Variants in ZNF521 observed in about 807,000 individuals in gnomAD.
The protein encoded by ZNF521 is LYST-interacting protein 3.
A neutral mutation model predicts 105.5 loss-of-function variants in ZNF521; 14 were observed. The observed-to-expected ratio is 0.13, with a 90% CI of 0.09 to 0.21. ZNF521 has a LOEUF of 0.21. Among genes scored for constraint, ZNF521 ranks in the 10% least tolerant of loss-of-function variants. The pLI, the probability that ZNF521 is intolerant of heterozygous loss-of-function variation, is 1.00. For synonymous variants in ZNF521, 635 were observed against 606.0 expected (o/e 1.05, Z -0.70); for missense variants, 1,233 against 1,629.7 (o/e 0.76, Z 4.19).
chr18:25,335,661 T>C (rs1484159255), intron 2 of ZNF521, among the ~76,000 whole-genome samples: 5 of 152,240 alleles, frequency 3.3e-5, no homozygotes, highest in Non-Finnish European at 5.9e-5. Flanking sequence ...TTCTCTCACT[T>C]CATTTAGCAT....
At chr18:25,117,867 A>G (rs1162787293) in intron 5 of ZNF521, among the ~76,000 whole-genome samples, 1 of 152,126 alleles carries the variant, frequency 6.6e-6, no homozygotes, top group African/African-American at 2.4e-5. Context: ...AGTGAAAGAT[A>G]CAACTCTACA....
chr18:25,350,264 G>A (rs990874849), intron 2 of ZNF521, among the ~76,000 whole-genome samples: 5 of 151,974 alleles, frequency 3.3e-5, no homozygotes, highest in Non-Finnish European at 7.4e-5. Flanking sequence ...GGGGCGAGGG[G>A]CGGTCAACTT....
At chr18:25,118,756 G>C (rs2034377663) in intron 5 of ZNF521, among the ~76,000 whole-genome samples, 1 of 152,012 alleles carries the variant, frequency 6.6e-6, no homozygotes, top group African/African-American at 2.4e-5. Context: ...AAATAGCAAA[G>C]ACATGGGAGG....
intron 5 of ZNF521, among the ~76,000 whole-genome samples, chr18:25,166,919 A>G (rs946836047): frequency 6.6e-6 from 1 of 152,220 alleles, no homozygotes; most frequent in African/African-American, 2.4e-5. Flanking sequence ...AATATTATTG[A>G]GCTAATATGC....
chr18:25,284,592 A>G (rs1346932030), intron 3 of ZNF521, among the ~76,000 whole-genome samples: 1 of 152,214 alleles, frequency 6.6e-6, no homozygotes, highest in African/African-American at 2.4e-5. Context: ...AGTCATAGGC[A>G]TAAAGAAGTC....
chr18:25,285,131 C>T (rs1910626610), intron 3 of ZNF521, among the ~76,000 whole-genome samples: 1 of 151,890 alleles, frequency 6.6e-6, no homozygotes, highest in Non-Finnish European at 1.5e-5. Context: ...ATTAAGCAAT[C>T]TCCCTGCAGA....
At chr18:25,247,211 T>C (rs1474651493) in intron 3 of ZNF521, among the ~76,000 whole-genome samples, 1 of 152,152 alleles carries the variant, frequency 6.6e-6, no homozygotes. Flanking sequence ...TGTAAACATA[T>C]GATCACAAGG....
At chr18:25,202,405 T>TGA (rs2036008577) in intron 4 of ZNF521, 1 of 152,140 alleles carries the variant, frequency 6.6e-6, no homozygotes, top group Non-Finnish European at 1.5e-5. Flanking sequence ...TTAAAGTATA[T>TGA]GAGAGCATGT....
intron 5 of ZNF521, among the ~76,000 whole-genome samples, chr18:25,106,249 G>A (rs2034070442): frequency 6.6e-6 from 1 of 151,990 alleles, no homozygotes; most frequent in African/African-American, 2.4e-5. Context: ...CCCGTTACAA[G>A]GTTGTTTTCT....
chr18:25,321,173 G>A (rs1053379802), intron 3 of ZNF521, among the ~76,000 whole-genome samples: 3 of 152,108 alleles, frequency 2.0e-5, no homozygotes, highest in Non-Finnish European at 2.9e-5. Flanking sequence ...CACACACATA[G>A]GAGTGGCATC....
intron 4 of ZNF521, among the ~76,000 whole-genome samples, chr18:25,212,434 C>T (rs897007688): frequency 7.3e-5 from 10 of 137,238 alleles, no homozygotes; most frequent in Middle Eastern, 4.2e-3. Context: ...CACTTGAACC[C>T]GGTAGGTGGA....
chr18:25,176,640 C>A (rs916982242), intron 5 of ZNF521, among the ~76,000 whole-genome samples: 1 of 152,176 alleles, frequency 6.6e-6, no homozygotes, highest in African/African-American at 2.4e-5. Flanking sequence ...GGGCCTCATT[C>A]CACTGCTTTA....
intron 3 of ZNF521, among the ~76,000 whole-genome samples, chr18:25,246,199 ATG>A: frequency 6.6e-6 from 1 of 152,266 alleles, no homozygotes; most frequent in South Asian, 2.1e-4. Flanking sequence ...CGTTGTGCAC[ATG>A]TACCCTAGAG....
Position 25,301,299 on chromosome 18 carries a change from G to A in ZNF521, c.220+20709C>T, listed in dbSNP as rs114725943. On this transcript the variant is annotated intron_variant, in intron 3 of 7. Transcript: ENST00000361524. ...AAAGACAGGAAGCTTCTGAGAATGAGCCTCCTGCCCTCTGTACCCTTCCAC... is the reference window on the plus strand; with the variant it reads ...AAAGACAGGAAGCTTCTGAGAATGAACCTCCTGCCCTCTGTACCCTTCCAC... Among the ~76,000 whole-genome samples, 824 of 152,264 alleles carry A rather than the reference G, an allele frequency of 5.4e-3. 8 individuals carry two copies. The highest frequency in any genetic ancestry group is 0.019 in the African/African-American group (787 of 41,538).
chr18:25,118,198 T>C (rs2034366600), intron 5 of ZNF521, among the ~76,000 whole-genome samples: 1 of 152,014 alleles, frequency 6.6e-6, no homozygotes, highest in South Asian at 2.1e-4. Flanking sequence ...CAATAAAGAA[T>C]ATCCTTCAAG....
intron 5 of ZNF521, among the ~76,000 whole-genome samples, chr18:25,107,898 A>C (rs1017167570): frequency 6.6e-6 from 1 of 152,210 alleles, no homozygotes; most frequent in African/African-American, 2.4e-5. Flanking sequence ...GGGATTCAAA[A>C]ACTGGATACC....
chr18:25,208,342 G>A (rs948721565), intron 4 of ZNF521, among the ~76,000 whole-genome samples: 10 of 152,152 alleles, frequency 6.6e-5, no homozygotes, highest in African/African-American at 1.9e-4. Flanking sequence ...ATAAATGAAT[G>A]AATGAACTAG....
At chr18:25,086,351 C>G (rs1049987640) in intron 7 of ZNF521, among the ~76,000 whole-genome samples, 10 of 151,960 alleles carry the variant, frequency 6.6e-5, no homozygotes, top group Non-Finnish European at 1.2e-4. Flanking sequence ...ATCCTCTAAG[C>G]ACTGGTATAA....
chr18:25,163,805 G>C (rs1464506599), intron 5 of ZNF521, among the ~76,000 whole-genome samples: 1 of 152,300 alleles, frequency 6.6e-6, no homozygotes, highest in African/African-American at 2.4e-5. Flanking sequence ...AGGTAGAACA[G>C]TGTGTGTGGG....
Sources: allele counts gnomAD v4.1 joint callset (sites outside exome capture counted in the v4.1 genomes callset), GRCh38; gene constraint gnomAD v4.1.1; transcripts MANE v1.5; gene names NCBI Gene and HGNC (gene_info 2026-07-23, HGNC 2026-07-21).